The following IFT80 variants were observed in gnomAD, a reference collection of about 807,000 sequenced individuals.
IFT80 encodes the protein intraflagellar transport protein 80 homolog.
Under a neutral mutation model 107.9 loss-of-function variants are expected in IFT80, and 79 were observed. The ratio of observed to expected loss-of-function variants is 0.73; its 90% CI spans 0.61 to 0.88. The LOEUF (loss-of-function observed/expected upper bound fraction) is 0.88. IFT80 is among the 40% of genes least tolerant of loss of function. IFT80 has a pLI of 0.00. For synonymous variants in IFT80, 299 were observed against 300.9 expected, an observed-to-expected ratio of 0.99 and a Z score of 0.07; for missense variants, 797 against 914.2, an observed-to-expected ratio of 0.87 and a Z score of 1.65.
intron 8 of IFT80, among the ~76,000 whole-genome samples, chr3:160,349,958 C>G (rs947050870): frequency 6.6e-6 from 1 of 152,114 alleles, no homozygotes; most frequent in African/African-American, 2.4e-5. Context: ...CTGCTTTGAC[C>G]CTCCAGACAT....
chr3:160,297,813 G>A (rs1458159151), intron 12 of IFT80, among the ~76,000 whole-genome samples: 5 of 152,010 alleles, frequency 3.3e-5, no homozygotes, highest in African/African-American at 9.7e-5. Context: ...ATAAAAAGCT[G>A]GGGATATGTG....
At chr3:160,360,577 A>T (rs989641393) in intron 6 of IFT80, among the ~76,000 whole-genome samples, 5 of 152,198 alleles carry the variant, frequency 3.3e-5, no homozygotes, top group African/African-American at 9.6e-5. Flanking sequence ...GGTAGAAATG[A>T]AGGAAAAAAT....
chr3:160,319,665 T>C (rs1378657712), intron 9 of IFT80, 95 bp downstream of exon 9: 1 of 1,081,572 alleles, frequency 9.2e-7, no homozygotes, highest in Non-Finnish European at 1.4e-6. Flanking sequence ...TTTATAAGCT[T>C]GACTAAATAT....
chr3:160,377,280 T>C (rs1176923105), intron 4 of IFT80, 150 bp downstream of exon 4: 4 of 575,798 alleles, frequency 6.9e-6, no homozygotes, highest in Non-Finnish European at 1.2e-5. Flanking sequence ...TTCTGAATTG[T>C]AACATTTATA....
At chr3:160,277,754 AATG>A in intron 16 of IFT80, 84 bp from the exon 17 acceptor site, 1 of 842,626 alleles carries the variant, frequency 1.2e-6, no homozygotes, top group Non-Finnish European at 2.0e-6. Flanking sequence ...CTCATACTAA[AATG>A]ATATTTTAAT....
chr3:160,315,686 G>A lies in IFT80; in HGVS notation c.957+4074C>T, dbSNP rs546815675. 2.6e-4 allele frequency among the ~76,000 whole-genome samples: 39 copies of A among 152,186 alleles called. No individual in the cohort carries two copies. The South Asian group carries it at 7.5e-3, about 29-fold the overall frequency. ...CCTTTTCCAAATTGTTTTCATTGCA[G>A]CCACCCTCTTTTCCCTTTGCCATTG... On this transcript the variant is annotated intron_variant, in intron 9 of 19. Coordinates refer to ENST00000326448, the MANE Select transcript of IFT80 (RefSeq NM_020800.3).
chr3:160,299,800 C>T (rs1445487680), intron 12 of IFT80, among the ~76,000 whole-genome samples: 1 of 152,132 alleles, frequency 6.6e-6, no homozygotes, highest in Non-Finnish European at 1.5e-5. Flanking sequence ...TTTAAACATA[C>T]CAGGACCAAA....
intron 8 of IFT80, among the ~76,000 whole-genome samples, chr3:160,340,272 T>C (rs11720689): frequency 0.21 from 32,137 of 152,166 alleles, 3,729 homozygotes; most frequent in Non-Finnish European, 0.26. Flanking sequence ...TTGCTAACAC[T>C]GGCCCTAAAA....
chr3:160,380,366 C>G (rs1418804841), intron 3 of IFT80, among the ~76,000 whole-genome samples: 1 of 151,938 alleles, frequency 6.6e-6, no homozygotes, highest in Non-Finnish European at 1.5e-5. Context: ...ATTAAGGGTC[C>G]CTCTGCAAGC....
At chr3:160,366,509 T>C (rs1339151835) in intron 5 of IFT80, among the ~76,000 whole-genome samples, 1 of 152,082 alleles carries the variant, frequency 6.6e-6, no homozygotes, top group Non-Finnish European at 1.5e-5. Flanking sequence ...AAGTCATGAT[T>C]TATCATTTCC....
intron 1 of IFT80, among the ~76,000 whole-genome samples, chr3:160,395,944 T>A (rs1276672518): frequency 1.3e-5 from 2 of 152,154 alleles, no homozygotes; most frequent in East Asian, 3.9e-4. Context: ...AATGAACATT[T>A]CCTTAATATC....
intron 5 of IFT80, among the ~76,000 whole-genome samples, chr3:160,368,439 C>T (rs1722018313): frequency 6.7e-6 from 1 of 150,078 alleles, no homozygotes; most frequent in Non-Finnish European, 1.5e-5. Context: ...CCTGTTTAGT[C>T]AATGACATCA....
chr3:160,395,233 C>G (rs974955420), intron 1 of IFT80, among the ~76,000 whole-genome samples: 3 of 152,192 alleles, frequency 2.0e-5, no homozygotes, highest in African/African-American at 7.2e-5. Flanking sequence ...GGCTTATCTT[C>G]ATGAAGATAC....
rs59902878 is a variant in IFT80, at chr3:160,274,961, T to C, written c.2099+2345A>G. Among the ~76,000 whole-genome samples the C allele has an allele frequency of 6.6e-5, 10 of 152,344 alleles. No individual in the cohort carries two copies. The East Asian group carries it at 1.3e-3, about 21-fold the overall frequency. On this transcript the variant is annotated intron_variant, in intron 18 of 19. Coordinates refer to ENST00000326448, the MANE Select transcript of IFT80 (RefSeq NM_020800.3). Reference sequence around the variant, plus strand: ...TATATGCAATGGTACCAGCCATAGATAATTGATTGCTTAGTGATAAATTGA... The same window carrying C: ...TATATGCAATGGTACCAGCCATAGACAATTGATTGCTTAGTGATAAATTGA...
chr3:160,369,797 A>C (rs550227427), intron 5 of IFT80, among the ~76,000 whole-genome samples: 2 of 152,156 alleles, frequency 1.3e-5, no homozygotes, highest in South Asian at 4.1e-4. Context: ...TGGGCAAAAA[A>C]CAAAAAATAG....
intron 8 of IFT80, among the ~76,000 whole-genome samples, chr3:160,355,602 ACG>A (rs1160616604): frequency 1.3e-5 from 2 of 152,126 alleles, no homozygotes; most frequent in Non-Finnish European, 2.9e-5. Flanking sequence ...TTAATTTCTT[ACG>A]CAAAATATGC....
At chr3:160,266,047 C>A (rs1282705510) in intron 19 of IFT80, among the ~76,000 whole-genome samples, 3 of 151,814 alleles carry the variant, frequency 2.0e-5, no homozygotes, top group Non-Finnish European at 4.4e-5. Context: ...TAATTTTCAT[C>A]ATAAAATACT....
At chr3:160,334,105 G>A (rs567952415) in intron 8 of IFT80, among the ~76,000 whole-genome samples, 8 of 152,182 alleles carry the variant, frequency 5.3e-5, no homozygotes, top group Admixed American at 4.6e-4. Context: ...GTACATGATC[G>A]TATCACTTTT....
At chr3:160,324,048 C>T (rs913347677) in intron 8 of IFT80, among the ~76,000 whole-genome samples, 18 of 152,096 alleles carry the variant, frequency 1.2e-4, no homozygotes, top group Non-Finnish European at 2.2e-4. Context: ...ATAAATTCCT[C>T]GACGCATACA....
Sources: allele counts gnomAD v4.1 joint callset (sites outside exome capture counted in the v4.1 genomes callset), GRCh38; gene constraint gnomAD v4.1.1; transcripts MANE v1.5; gene names NCBI Gene and HGNC (gene_info 2026-07-23, HGNC 2026-07-21).